Variants in STK33 observed in about 807,000 individuals in gnomAD.
The protein encoded by STK33 is serine/threonine-protein kinase 33.
A neutral mutation model predicts 58.0 loss-of-function variants in STK33; 52 were observed. The observed-to-expected ratio is 0.90, with a 90% CI of 0.72 to 1.13. STK33 has a LOEUF of 1.13. Among genes scored for constraint, STK33 ranks in the 50% most tolerant of loss-of-function variants. The pLI is 0.00. For missense variants in STK33, 630 were observed against 604.2 expected, an observed-to-expected ratio of 1.04 and a Z score of -0.45; for synonymous variants, 215 against 200.1, an observed-to-expected ratio of 1.07 and a Z score of -0.63.
chr11:8,516,619 G>A (rs569752887), intron 1 of STK33, among the ~76,000 whole-genome samples: 146 of 152,296 alleles, frequency 9.6e-4, no homozygotes, highest in African/African-American at 3.2e-3. Flanking sequence ...TGGAAAATCG[G>A]GGCACTCCCA....
chr11:8,420,355 A>T (rs1168452838), intron 14 of STK33, among the ~76,000 whole-genome samples: 5 of 152,152 alleles, frequency 3.3e-5, no homozygotes, highest in Non-Finnish European at 7.4e-5. Context: ...CAAGTATAGT[A>T]ACTATGTGAG....
chr11:8,466,456 G>A (rs1948195687), intron 6 of STK33: 1 of 152,216 alleles, frequency 6.6e-6, no homozygotes, highest in Admixed American at 6.5e-5. Context: ...AAATCTTAAA[G>A]CTCCAAAATG....
chr11:8,335,910 C>A, the STK33 span, among the ~76,000 whole-genome samples: 42 of 152,202 alleles, frequency 2.8e-4, no homozygotes, highest in African/African-American at 8.7e-4. Context: ...CACGGCTACA[C>A]GCGGCTATTG....
At chr11:8,413,384 CT>C (rs1214468086) in intron 15 of STK33, 110 bp downstream of exon 15, 3 of 1,183,394 alleles carry the variant, frequency 2.5e-6, no homozygotes, top group Non-Finnish European at 3.7e-6. Flanking sequence ...CTATATAACG[CT>C]CGGCCTTTGT....
At chr11:8,581,712 T>C (rs1361551746) in intron 1 of STK33, among the ~76,000 whole-genome samples, 1 of 152,234 alleles carries the variant, frequency 6.6e-6, no homozygotes, top group Non-Finnish European at 1.5e-5. Flanking sequence ...GCAGGATAAC[T>C]TGCATCAGTT....
At chr11:8,414,348 A>G (rs563620889) in intron 14 of STK33, among the ~76,000 whole-genome samples, 2 of 152,262 alleles carry the variant, frequency 1.3e-5, no homozygotes, top group Non-Finnish European at 2.9e-5. Flanking sequence ...GTGCCAAGAA[A>G]TATATGAATG....
chr11:8,394,902 T>A (rs931829203), intron 15 of STK33, among the ~76,000 whole-genome samples: 3 of 152,200 alleles, frequency 2.0e-5, no homozygotes, highest in Non-Finnish European at 4.4e-5. Context: ...AAATAGATAG[T>A]ACATCCCCAT....
At chr11:8,453,920 G>A (rs1398727769) in intron 10 of STK33, among the ~76,000 whole-genome samples, 2 of 152,106 alleles carry the variant, frequency 1.3e-5, no homozygotes, top group African/African-American at 4.8e-5. Context: ...CATACAAAAA[G>A]TTTCACAATC....
chr11:8,489,208 G>A (rs868824049), intron 1 of STK33, among the ~76,000 whole-genome samples: 37 of 130,568 alleles, frequency 2.8e-4, no homozygotes, highest in African/African-American at 1.0e-3. Flanking sequence ...AGTGAGCTAT[G>A]ATCACACTAC....
At chr11:8,422,681 G>A (rs1258772841) in intron 14 of STK33, among the ~76,000 whole-genome samples, 3 of 151,968 alleles carry the variant, frequency 2.0e-5, no homozygotes, top group African/African-American at 7.2e-5. Context: ...ATTTTTCTAG[G>A]AAAAGAATTG....
chr11:8,368,713 C>A, the STK33 span, among the ~76,000 whole-genome samples: 1 of 152,352 alleles, frequency 6.6e-6, no homozygotes, highest in South Asian at 2.1e-4. Context: ...CCTCAAGGAG[C>A]CCCAGTCTGG....
intron 14 of STK33, among the ~76,000 whole-genome samples, chr11:8,426,283 G>C (rs1942737683): frequency 6.6e-6 from 1 of 152,230 alleles, no homozygotes; most frequent in South Asian, 2.1e-4. Context: ...ACTCCGTATT[G>C]TTCTGCCGGT....
chr11:8,540,671 C>T (rs576328307), intron 1 of STK33, among the ~76,000 whole-genome samples: 40 of 152,024 alleles, frequency 2.6e-4, no homozygotes, highest in African/African-American at 8.9e-4. Flanking sequence ...CTCACTTATA[C>T]ATGGAATATT....
intron 1 of STK33, among the ~76,000 whole-genome samples, chr11:8,540,643 A>G (rs1199757175): frequency 6.6e-6 from 1 of 152,216 alleles, no homozygotes; most frequent in Non-Finnish European, 1.5e-5. Flanking sequence ...AGACACAGAA[A>G]GAAAAACATC....
intron 1 of STK33, among the ~76,000 whole-genome samples, chr11:8,586,335 T>G (rs929655864): frequency 6.6e-6 from 1 of 151,986 alleles, no homozygotes; most frequent in African/African-American, 2.4e-5. Context: ...TTCTTCTAGA[T>G]CTCAACTTCC....
chr11:8,536,322 A>G (rs1356826896), intron 1 of STK33, among the ~76,000 whole-genome samples: 4 of 152,206 alleles, frequency 2.6e-5, no homozygotes, highest in Non-Finnish European at 5.9e-5. Context: ...AATTTGTACA[A>G]ATTTTTTAAA....
chr11:8,442,030 TACACACAC>T lies in STK33; in HGVS notation c.872-1285_872-1278del, dbSNP rs55646106. ...TCTCCCACCTACACATACCTACACC[TACACACAC>T]ACACACACACACACACACACACACA... is the stretch of plus-strand genomic sequence containing the variant. On this transcript the variant is annotated intron_variant, in intron 11 of 15. Coordinates refer to ENST00000687296, the MANE Select transcript of STK33 (RefSeq NM_001352389.2). Among the ~76,000 whole-genome samples, 584 of 143,254 alleles carry T rather than the reference TACACACAC, an allele frequency of 4.1e-3. 3 individuals are homozygous for T. Among genetic ancestry groups the T allele is most frequent in the South Asian group, 0.015 (67 of 4,532 alleles). The allele number at this position is 143,254 out of a possible 152,430, so 94.0% of individuals were successfully genotyped here.
At chr11:8,446,274 C>CT (rs141647276) in intron 11 of STK33, among the ~76,000 whole-genome samples, 81,294 of 151,582 alleles carry the variant, frequency 0.54, 21,961 homozygotes, top group South Asian at 0.64. Flanking sequence ...TCTCTTTTTT[C>CT]TTATTAGTCT....
chr11:8,552,392 T>C (rs1156765773), intron 1 of STK33, among the ~76,000 whole-genome samples: 4 of 152,232 alleles, frequency 2.6e-5, no homozygotes, highest in African/African-American at 9.6e-5. Context: ...TCTATTCTGC[T>C]GCTTGGCTGA....
Sources: gnomAD v4.1 joint callset for allele counts (sites outside exome capture counted in the v4.1 genomes callset) on GRCh38, gnomAD v4.1.1 for gene constraint, MANE v1.5 for transcripts, NCBI Gene and HGNC (gene_info 2026-07-23, HGNC 2026-07-21) for gene names.